DNAH5: variants seen among roughly 807,000 people sequenced by gnomAD.
DNAH5 encodes axonemal beta dynein heavy chain 5.
In DNAH5, 372 loss-of-function variants were observed where a neutral mutation model predicts 518.2. The observed-to-expected ratio is 0.72, with a 90% CI of 0.66 to 0.78. The LOEUF is 0.78. Among genes scored for constraint, DNAH5 ranks in the 30% least tolerant of loss-of-function variants. The pLI, the probability that DNAH5 is intolerant of heterozygous loss-of-function variation, is 0.00. For synonymous variants in DNAH5, 2,039 were observed against 2,025.9 expected, an observed-to-expected ratio of 1.01 and a Z score of -0.17; for missense variants, 5,523 against 5,687.0, an observed-to-expected ratio of 0.97 and a Z score of 0.93.
At position 13,913,768 on chromosome 5, in the gene DNAH5, A is replaced by G; in HGVS notation, c.1511T>C (p.Leu504Pro). ...SVLQDSTIEG[L>P]EDMATKYQGI... ...CTGGTATTTAGTGGCCATGTCTTCCAGCCCTTCAATTGTGGAATCTTGCAG... is the reference window on the plus strand; with the variant it reads ...CTGGTATTTAGTGGCCATGTCTTCCGGCCCTTCAATTGTGGAATCTTGCAG... The change falls in exon 11 of 79, where the codon CTG becomes CCG. Residue 504 changes from leucine to proline, a missense_variant. Leu to Pro is a moderately conservative substitution (Grantham distance 98). Transcript: ENST00000265104. 1 of 1,613,562 alleles carries G rather than the reference A, an allele frequency of 6.2e-7. No individual in the cohort carries two copies. Among genetic ancestry groups the G allele is most frequent in the Non-Finnish European group, 8.5e-7 (1 of 1,179,508 alleles).
intron 1 of DNAH5, among the ~76,000 whole-genome samples, chr5:13,952,997 G>A (rs181420364): frequency 2.0e-5 from 3 of 152,282 alleles, no homozygotes; most frequent in Admixed American, 6.5e-5. Flanking sequence ...TACTTAATGC[G>A]TTGTCACAAG....
At chr5:13,742,056 TG>T (rs1486243799) in intron 65 of DNAH5, among the ~76,000 whole-genome samples, 1 of 152,120 alleles carries the variant, frequency 6.6e-6, no homozygotes, top group East Asian at 1.9e-4. Flanking sequence ...TAATGCTTAT[TG>T]TAAAAATAAG....
At chr5:13,924,962 G>A (rs1777711693) in intron 3 of DNAH5, among the ~76,000 whole-genome samples, 1 of 152,126 alleles carries the variant, frequency 6.6e-6, no homozygotes, top group Non-Finnish European at 1.5e-5. Flanking sequence ...TCACTGCAGT[G>A]GGAGGATGGC....
chr5:13,952,153 C>T (rs1780466553), intron 1 of DNAH5, among the ~76,000 whole-genome samples: 1 of 145,592 alleles, frequency 6.9e-6, no homozygotes, highest in Non-Finnish European at 1.5e-5. Flanking sequence ...GATCTCCCAA[C>T]TTGGGATAGC....
In DNAH5 at chr5:13,900,376, A is replaced by G. The variant is rs146842552; in HGVS notation, c.2089T>C (p.Leu697=). 4 of 1,614,184 alleles carry G rather than the reference A, an allele frequency of 2.5e-6. No homozygotes were observed. The Admixed American group carries it at 5.0e-5, about 20-fold the overall frequency. The part of the protein sequence containing the change: ...EIHVGLEASL[L]VKAPGTGELF... The stretch of plus-strand genomic sequence containing the variant: ...TCCCCTGTGCCTGGAGCCTTCACCA[A>G]TAATGAAGCCTCAAGACCTACATGA... The change falls in exon 15 of 79, where the codon TTG becomes CTG. Residue 697 remains leucine (L), a synonymous_variant. Transcript: ENST00000265104.
rs1466165781 is a variant in DNAH5 at position 13,943,491 on chromosome 5, A to G, written c.57+891T>C. On this transcript the variant is annotated intron_variant, in intron 1 of 78. Coordinates refer to ENST00000265104, the MANE Select transcript of DNAH5 (RefSeq NM_001369.3). ...ACACTAGCACTTGGTCTTGAAGAATAAGCAGTGCATGGACTGGCTGGAGTC... is the reference window on the plus strand; with the variant it reads ...ACACTAGCACTTGGTCTTGAAGAATGAGCAGTGCATGGACTGGCTGGAGTC... 2.0e-5 allele frequency among the ~76,000 whole-genome samples: 3 copies of G among 152,220 alleles called. No homozygotes were observed. The East Asian group carries it at 5.8e-4, about 29-fold the overall frequency.
chr5:14,010,118 G>A (rs1377540642), intron 1 of DNAH5, among the ~76,000 whole-genome samples: 1 of 151,986 alleles, frequency 6.6e-6, no homozygotes, highest in Non-Finnish European at 1.5e-5. Context: ...TTGCTTCAAT[G>A]ATTTACTTTT....
intron 43 of DNAH5, among the ~76,000 whole-genome samples, chr5:13,814,091 T>C (rs1364974971): frequency 6.6e-6 from 1 of 152,130 alleles, no homozygotes; most frequent in African/African-American, 2.4e-5. Flanking sequence ...AATAAAATAA[T>C]ATACCTGATT....
chr5:13,939,747 C>T (rs993029536), intron 1 of DNAH5, among the ~76,000 whole-genome samples: 2 of 152,158 alleles, frequency 1.3e-5, no homozygotes, highest in Admixed American at 6.5e-5. Flanking sequence ...ACTCCCCTTT[C>T]GTTTCATTTA....
intron 74 of DNAH5, 47 bp downstream of exon 74, chr5:13,716,440 T>C (rs1236813739): frequency 2.2e-6 from 3 of 1,387,118 alleles, no homozygotes; most frequent in African/African-American, 2.8e-5. Flanking sequence ...AAAACTCAAG[T>C]GGCTACAGAT....
intron 60 of DNAH5, among the ~76,000 whole-genome samples, chr5:13,761,159 T>G (rs1751717054): frequency 6.6e-6 from 1 of 152,236 alleles, no homozygotes; most frequent in African/African-American, 2.4e-5. Flanking sequence ...TGGATGGCAT[T>G]GAATACAGGG....
chr5:13,952,136 C>CTACCATCA (rs3058991), intron 1 of DNAH5, among the ~76,000 whole-genome samples: 140,648 of 151,870 alleles, frequency 0.93, 65,221 homozygotes, highest in Non-Finnish European at 0.94. Flanking sequence ...CATTAATTAA[C>CTACCATCA]TAGAGGGATC....
At chr5:13,884,486 G>A (rs529856124) in intron 19 of DNAH5, among the ~76,000 whole-genome samples, 1 of 152,284 alleles carries the variant, frequency 6.6e-6, no homozygotes, top group African/African-American at 2.4e-5. Context: ...CTACTTAATA[G>A]AATTGTTGGG....
intron 65 of DNAH5, among the ~76,000 whole-genome samples, chr5:13,741,709 C>A (rs1277715686): frequency 6.6e-6 from 1 of 151,978 alleles, no homozygotes; most frequent in Non-Finnish European, 1.5e-5. Context: ...TTTCTGAGTT[C>A]CAGAGGGTGA....
At chr5:13,913,498 T>C (rs1338086179) in intron 11 of DNAH5, among the ~76,000 whole-genome samples, 2 of 152,142 alleles carry the variant, frequency 1.3e-5, no homozygotes, top group Non-Finnish European at 2.9e-5. Context: ...AATGCTTTTT[T>C]AATGGTGATT....
At chr5:13,945,856 G>A (rs955627057), upstream of DNAH5, among the ~76,000 whole-genome samples, 4 of 152,116 alleles carry the variant, frequency 2.6e-5, no homozygotes. Flanking sequence ...TGCCCACCTC[G>A]GCCTCCCAAA....
rs191430241 is a variant in DNAH5 at position 13,910,055 on chromosome 5, T to C, written c.1644+1331A>G. On this transcript the variant is annotated intron_variant, in intron 12 of 78. Transcript: ENST00000265104. ...GAACATCAGAATCTGCCATTACTCA[T>C]CAATTTCCAACAAAAAGAGACCAAC... 3.4e-4 allele frequency among the ~76,000 whole-genome samples: 52 copies of C among 152,290 alleles called. No homozygotes were observed. The East Asian group carries it at 5.8e-3, about 17-fold the overall frequency.
At chr5:13,985,860 C>T (rs1380040197) in intron 1 of DNAH5, among the ~76,000 whole-genome samples, 1 of 152,234 alleles carries the variant, frequency 6.6e-6, no homozygotes, top group Non-Finnish European at 1.5e-5. Flanking sequence ...ACCCTGTCCA[C>T]AAATGGCCCG....
rs1757088964 is a variant in DNAH5 at position 13,792,092 on chromosome 5, T to C, written c.8350A>G (p.Thr2784Ala). Residue 2784 changes from threonine to alanine, a missense_variant, in exon 50 of 79, where the codon ACC becomes GCC. By Grantham distance (58) the Thr-to-Ala change is moderately conservative. Coordinates refer to ENST00000265104, the MANE Select transcript of DNAH5 (RefSeq NM_001369.3). ...AACACATAATGGAATTTTGCAGGGG[T>C]AGGAAGCATTTTAATCTTGGTCATC... ...WQMTKIKMLP[T>A]PAKFHYVFNL... is the part of the protein sequence containing the mutation. The C allele has an allele frequency of 6.2e-7, 1 of 1,613,856 alleles. No homozygotes were observed. The highest frequency in any genetic ancestry group is 8.5e-7 in the Non-Finnish European group (1 of 1,179,942).
Sources: gnomAD v4.1 joint callset for allele counts (sites outside exome capture counted in the v4.1 genomes callset) on GRCh38, gnomAD v4.1.1 for gene constraint, MANE v1.5 for transcripts, NCBI Gene and HGNC (gene_info 2026-07-23, HGNC 2026-07-21) for gene names.